Variants in PPP1R12A observed in about 807,000 individuals in gnomAD.
PPP1R12A encodes the protein protein phosphatase 1 regulatory subunit 12A.
Under a neutral mutation model 139.6 loss-of-function variants are expected in PPP1R12A, and 19 were observed. The observed-to-expected ratio is 0.14, with a 90% CI of 0.09 to 0.20. The LOEUF (loss-of-function observed/expected upper bound fraction) is 0.20. PPP1R12A is among the 10% of genes least tolerant of loss of function. The pLI, the probability that PPP1R12A is intolerant of heterozygous loss-of-function variation, is 1.00. For synonymous variants in PPP1R12A, 427 were observed against 420.6 expected (o/e 1.02, Z -0.19); for missense variants, 925 against 1,211.5 (o/e 0.76, Z 3.51).
Position 79,797,265 on chromosome 12 carries a change from T to C in PPP1R12A, c.2222A>G (p.Glu741Gly). 1 of 1,587,086 alleles carries C rather than the reference T, an allele frequency of 6.3e-7. No homozygotes were observed. The highest frequency in any genetic ancestry group is 8.6e-7 in the Non-Finnish European group (1 of 1,165,046). Residue 741 changes from glutamate to glycine, a missense_variant, in exon 16 of 25, where the codon GAA (glutamate) becomes GGA (glycine). Glu to Gly is a moderately conservative substitution (Grantham distance 98). Coordinates refer to ENST00000450142, the MANE Select transcript of PPP1R12A (RefSeq NM_002480.3). ...EKEKQDKEKQ[E>G]EKKESETSRE... is the part of the protein sequence containing the mutation. Reference sequence around the variant, plus strand: ...AGATGTTTCTGACTCCTTCTTTTCTTCTTGTTTCTCTTTATCTTGTTTCTC... The same window carrying C: ...AGATGTTTCTGACTCCTTCTTTTCTCCTTGTTTCTCTTTATCTTGTTTCTC...
At chr12:79,821,420 C>T (rs2137114816) in intron 6 of PPP1R12A, among the ~76,000 whole-genome samples, 1 of 152,158 alleles carries the variant, frequency 6.6e-6, no homozygotes, top group East Asian at 1.9e-4. Flanking sequence ...AAGTCGAGAT[C>T]CACTAACCAC....
intron 1 of PPP1R12A, among the ~76,000 whole-genome samples, chr12:79,910,336 G>C (rs944730979): frequency 6.6e-6 from 1 of 151,776 alleles, no homozygotes; most frequent in African/African-American, 2.4e-5. Flanking sequence ...AAAAATTAGC[G>C]GGGCTTGGTG....
At chr12:79,814,317 A>T (rs1194461556) in intron 9 of PPP1R12A, among the ~76,000 whole-genome samples, 1 of 151,186 alleles carries the variant, frequency 6.6e-6, no homozygotes, top group Admixed American at 6.6e-5. Flanking sequence ...CTCTACTAAA[A>T]ATACAAAAAA....
At chr12:79,845,241 G>C (rs990317990) in intron 3 of PPP1R12A, 61 bp downstream of exon 3, 9 of 1,262,376 alleles carry the variant, frequency 7.1e-6, no homozygotes, top group Non-Finnish European at 9.0e-6. Context: ...AAATATTTTT[G>C]CTGGAAAAGT....
chr12:79,865,130 C>T (rs1163238970), intron 2 of PPP1R12A, among the ~76,000 whole-genome samples: 3 of 152,122 alleles, frequency 2.0e-5, no homozygotes, highest in African/African-American at 4.8e-5. Context: ...ACGATCAAGT[C>T]GGCTTCAGCC....
At chr12:79,857,202 A>G (rs1184884880) in intron 2 of PPP1R12A, among the ~76,000 whole-genome samples, 1 of 152,146 alleles carries the variant, frequency 6.6e-6, no homozygotes, top group Non-Finnish European at 1.5e-5. Flanking sequence ...ACAATGATAG[A>G]CTGGATTAAG....
chr12:79,857,228 T>G (rs913090006), intron 2 of PPP1R12A, among the ~76,000 whole-genome samples: 55 of 152,104 alleles, frequency 3.6e-4, no homozygotes, highest in Non-Finnish European at 6.3e-4. Context: ...GTGGCACATA[T>G]ACACCATGGA....
At chr12:79,880,131 A>G (rs138395615) in intron 1 of PPP1R12A, among the ~76,000 whole-genome samples, 10 of 152,284 alleles carry the variant, frequency 6.6e-5, no homozygotes, top group African/African-American at 2.2e-4. Context: ...CCAAGATCGT[A>G]TGAAAAAGAT....
At chr12:79,882,211 T>G (rs1306733569) in intron 1 of PPP1R12A, among the ~76,000 whole-genome samples, 3 of 152,244 alleles carry the variant, frequency 2.0e-5, no homozygotes, top group Non-Finnish European at 4.4e-5. Flanking sequence ...TTGCCACAGA[T>G]AGTGATTCCT....
At chr12:79,872,610 G>A (rs779256201) in intron 2 of PPP1R12A, among the ~76,000 whole-genome samples, 198 bp downstream of exon 2, 4 of 152,158 alleles carry the variant, frequency 2.6e-5, no homozygotes, top group Non-Finnish European at 5.9e-5. Context: ...AAAGGCCAAA[G>A]AGGGTGGGGA....
At chr12:79,851,418 A>G (rs887737371) in intron 2 of PPP1R12A, among the ~76,000 whole-genome samples, 3 of 152,368 alleles carry the variant, frequency 2.0e-5, no homozygotes, top group Admixed American at 2.0e-4. Flanking sequence ...CAGACCTTTG[A>G]AAGTTTTCTT....
chr12:79,831,245 T>C (rs1455211592), intron 4 of PPP1R12A, among the ~76,000 whole-genome samples: 2 of 152,116 alleles, frequency 1.3e-5, no homozygotes, highest in African/African-American at 4.8e-5. Flanking sequence ...ACTGCCATAC[T>C]ATTCTTAGGA....
intron 22 of PPP1R12A, chr12:79,782,153 C>CA (rs200803808): frequency 0.012 from 2,405 of 208,686 alleles, 13 homozygotes; most frequent in South Asian, 0.015. Context: ...GGAAGAAAAA[C>CA]AAAAAAAAAC....
chr12:79,836,328 TCTTA>T (rs1005349478), intron 3 of PPP1R12A, among the ~76,000 whole-genome samples: 1 of 152,184 alleles, frequency 6.6e-6, no homozygotes, highest in Non-Finnish European at 1.5e-5. Context: ...AATGTTACTC[TCTTA>T]CTGTCTTTTA....
intron 14 of PPP1R12A, among the ~76,000 whole-genome samples, chr12:79,800,089 A>G (rs1173998714): frequency 1.3e-5 from 2 of 152,160 alleles, no homozygotes; most frequent in Non-Finnish European, 2.9e-5. Flanking sequence ...TCTGATAATC[A>G]ATATTTCTTG....
intron 1 of PPP1R12A, among the ~76,000 whole-genome samples, chr12:79,918,214 T>C (rs1887155765): frequency 6.6e-6 from 1 of 151,802 alleles, no homozygotes; most frequent in Admixed American, 6.6e-5. Context: ...TGTATGTTCA[T>C]AAATTGTTTT....
At chr12:79,868,988 T>A (rs1428530828) in intron 2 of PPP1R12A, among the ~76,000 whole-genome samples, 1 of 152,224 alleles carries the variant, frequency 6.6e-6, no homozygotes, top group African/African-American at 2.4e-5. Context: ...CAGTGAGTAT[T>A]TATTAAAACA....
At chr12:79,865,823 A>G (rs548575214) in intron 2 of PPP1R12A, among the ~76,000 whole-genome samples, 10 of 152,364 alleles carry the variant, frequency 6.6e-5, no homozygotes, top group Admixed American at 6.5e-4. Context: ...AAGAGAGGAC[A>G]CAAACAAATG....
chr12:79,842,797 G>A (rs964046151), intron 3 of PPP1R12A, among the ~76,000 whole-genome samples: 5 of 151,842 alleles, frequency 3.3e-5, no homozygotes, highest in South Asian at 2.1e-4. Flanking sequence ...TGGAACACAC[G>A]AGCTAAAGCG....
Sources: gnomAD v4.1 joint callset for allele counts (sites outside exome capture counted in the v4.1 genomes callset) on GRCh38, gnomAD v4.1.1 for gene constraint, MANE v1.5 for transcripts, NCBI Gene and HGNC (gene_info 2026-07-23, HGNC 2026-07-21) for gene names.